NLGN4X: variants seen among roughly 807,000 people sequenced by gnomAD.
The protein encoded by NLGN4X is neuroligin-4, X-linked.
NLGN4X carries 3 observed loss-of-function variants against 40.3 expected under a neutral mutation model. That is an observed-to-expected ratio of 0.07 (90% confidence interval 0.03 to 0.19). The LOEUF is 0.19. NLGN4X is among the 10% of genes least tolerant of loss of function. The probability of loss-of-function intolerance (pLI) is 1.00; values close to 1 mark genes in which losing one functional copy is unlikely to be tolerated. For missense variants in NLGN4X, 382 were observed against 708.3 expected (o/e 0.54, Z 5.23); for synonymous variants, 270 against 306.8 (o/e 0.88, Z 1.25).
At chrX:5,994,488 A>T (rs747549580) in intron 3 of NLGN4X, among the ~76,000 whole-genome samples, 1 of 112,032 alleles carries the variant, frequency 8.9e-6, no homozygotes, top group Non-Finnish European at 1.9e-5. Flanking sequence ...GGTCTAAAGG[A>T]ATATGCATCC....
intron 3 of NLGN4X, among the ~76,000 whole-genome samples, chrX:6,008,921 T>C (rs1428525202): frequency 1.8e-5 from 2 of 112,185 alleles, no homozygotes; most frequent in Non-Finnish European, 3.8e-5. Context: ...ACGTACCTCA[T>C]ATTGGTAAAA....
chrX:6,225,680 TCTTTTTTTC>T (rs1926161190), intron 1 of NLGN4X, among the ~76,000 whole-genome samples: 1 of 74,561 alleles, frequency 1.3e-5, no homozygotes, highest in Non-Finnish European at 2.5e-5. Context: ...TTTTTTTCTT[TCTTTTTTTC>T]TTTTTTTTTT....
intron 2 of NLGN4X, among the ~76,000 whole-genome samples, chrX:6,040,857 T>C (rs757829027): frequency 3.6e-5 from 4 of 112,007 alleles, no homozygotes; most frequent in African/African-American, 1.3e-4. Flanking sequence ...TGTCAAAGTA[T>C]GCAATCCAAT....
intron 4 of NLGN4X, among the ~76,000 whole-genome samples, chrX:5,907,450 T>C (rs749294894): frequency 8.9e-6 from 1 of 111,826 alleles, no homozygotes; most frequent in Non-Finnish European, 1.9e-5. Flanking sequence ...CCAGCAGGGC[T>C]CAGGGGTGTG....
chrX:5,898,443 T>C (rs1156326880), intron 5 of NLGN4X, among the ~76,000 whole-genome samples: 4 of 110,329 alleles, frequency 3.6e-5, no homozygotes, highest in Admixed American at 9.8e-5. Context: ...CAAAGGTTTA[T>C]GTATACCAGG....
At chrX:5,905,133 A>C (rs1199847442) in intron 4 of NLGN4X, among the ~76,000 whole-genome samples, 1 of 111,625 alleles carries the variant, frequency 9.0e-6, no homozygotes, top group African/African-American at 3.3e-5. Flanking sequence ...TCATTAGTTA[A>C]AACATTCAGA....
intron 3 of NLGN4X, among the ~76,000 whole-genome samples, chrX:5,939,014 G>A (rs892456275): frequency 3.7e-5 from 4 of 108,320 alleles, no homozygotes; most frequent in African/African-American, 1.0e-4. Context: ...CACTGATGTC[G>A]AAGCTTGGTT....
At chrX:5,945,096 G>A (rs187131708) in intron 3 of NLGN4X, among the ~76,000 whole-genome samples, 1 of 112,133 alleles carries the variant, frequency 8.9e-6, no homozygotes, top group Non-Finnish European at 1.9e-5. Context: ...TCTTGTTGTA[G>A]TGTAACCACT....
chrX:5,958,089 G>A (rs1279599469), intron 3 of NLGN4X, among the ~76,000 whole-genome samples: 2 of 111,509 alleles, frequency 1.8e-5, no homozygotes, highest in Non-Finnish European at 3.8e-5. Flanking sequence ...TCTTGTGTAG[G>A]ACATCTGATG....
chrX:6,161,607 T>C (rs1025872577), intron 1 of NLGN4X, among the ~76,000 whole-genome samples: 2 of 106,968 alleles, frequency 1.9e-5, no homozygotes, highest in African/African-American at 6.7e-5. Context: ...TTTCAATTGG[T>C]TAGTTTGAAG....
chrX:6,069,610 T>C (rs1043432174), intron 2 of NLGN4X, among the ~76,000 whole-genome samples: 1 of 112,427 alleles, frequency 8.9e-6, no homozygotes, highest in Non-Finnish European at 1.9e-5. Context: ...TGAATCATTT[T>C]AGAAATGACT....
In NLGN4X at chrX:5,999,714, A is replaced by G. The variant is rs1472675283; in HGVS notation, c.625+29566T>C. Among the ~76,000 whole-genome samples, 5 of 112,344 alleles carry G rather than the reference A, an allele frequency of 4.5e-5. No individual in the cohort carries two copies. The East Asian group carries it at 1.1e-3, about 25-fold the overall frequency. The stretch of plus-strand genomic sequence containing the variant: ...TCAAACCCCAAAAGAACAAATGCAC[A>G]TGAGTTTATCCCTTGGTGTTTCAAG... On this transcript the variant is annotated intron_variant, in intron 3 of 5. Transcript: ENST00000381095.
intron 3 of NLGN4X, among the ~76,000 whole-genome samples, chrX:5,955,763 A>T (rs970923075): frequency 1.8e-5 from 2 of 108,752 alleles, no homozygotes; most frequent in Non-Finnish European, 3.8e-5. Flanking sequence ...TAAAAATTTT[A>T]AAGTACTTCA....
At chrX:5,989,272 A>G (rs1024129481) in intron 3 of NLGN4X, among the ~76,000 whole-genome samples, 1 of 111,245 alleles carries the variant, frequency 9.0e-6, no homozygotes, top group African/African-American at 3.3e-5. Flanking sequence ...GCAAGATATT[A>G]AAAATAAATT....
intron 3 of NLGN4X, among the ~76,000 whole-genome samples, chrX:5,926,787 CAT>C (rs1197878560): frequency 2.2e-4 from 17 of 77,500 alleles, no homozygotes; most frequent in African/African-American, 6.2e-4. Context: ...CTCTAGAGAG[CAT>C]ACACACACAC....
intron 1 of NLGN4X, among the ~76,000 whole-genome samples, chrX:6,225,689 C>CTT (rs749574818): frequency 7.9e-3 from 210 of 26,708 alleles, no homozygotes; most frequent in Middle Eastern, 0.042. Flanking sequence ...TTCTTTTTTT[C>CTT]TTTTTTTTTT....
chrX:6,082,955 TC>T (rs747766402), intron 2 of NLGN4X, among the ~76,000 whole-genome samples: 2,132 of 54,421 alleles, frequency 0.039, 213 homozygotes, highest in African/African-American at 0.095. Flanking sequence ...TGCGTTTTTT[TC>T]TTTTTTTTTT....
At position 5,946,431 on chromosome X, in the gene NLGN4X, G is replaced by C. The variant is rs144968954; in HGVS notation, c.626-37192C>G. ...TCAAAAAATATTTTGTACAGTCTCT[G>C]TACAAATCCTAAAGGAAAAATAAGA... On this transcript the variant is annotated intron_variant, in intron 3 of 5. Coordinates refer to ENST00000381095, the MANE Select transcript of NLGN4X (RefSeq NM_181332.3). 2.7e-3 allele frequency among the ~76,000 whole-genome samples: 302 copies of C among 111,337 alleles called. 1 individual carries two copies. Among genetic ancestry groups the C allele is most frequent in the African/African-American group, 9.5e-3 (292 of 30,647 alleles).
At chrX:6,123,064 C>T (rs1424418967) in intron 2 of NLGN4X, among the ~76,000 whole-genome samples, 1 of 108,907 alleles carries the variant, frequency 9.2e-6, no homozygotes, top group African/African-American at 3.3e-5. Context: ...GGAAGAACTA[C>T]ATTAGACAGA....
Sources: gnomAD v4.1 joint callset for allele counts (sites outside exome capture counted in the v4.1 genomes callset) on GRCh38, gnomAD v4.1.1 for gene constraint, MANE v1.5 for transcripts, NCBI Gene and HGNC (gene_info 2026-07-23, HGNC 2026-07-21) for gene names.